Variants in GALNT18 observed in about 807,000 individuals in gnomAD.
GALNT18 encodes the protein GalNAc-transferase 18.
In GALNT18, 44 loss-of-function variants were observed where a neutral mutation model predicts 69.5. The ratio of observed to expected loss-of-function variants is 0.63; its 90% CI spans 0.50 to 0.81. The LOEUF (loss-of-function observed/expected upper bound fraction) is 0.81, where lower values mean the gene tolerates loss of function less well. GALNT18 is among the 40% of genes least tolerant of loss of function. The probability of loss-of-function intolerance (pLI) is 0.00; values close to 1 mark genes in which losing one functional copy is unlikely to be tolerated. For missense variants in GALNT18, 715 were observed against 810.0 expected (o/e 0.88, Z 1.42); for synonymous variants, 364 against 318.2 (o/e 1.14, Z -1.53).
chr11:11,304,508 A>G (rs1849546394), intron 9 of GALNT18, among the ~76,000 whole-genome samples: 1 of 152,214 alleles, frequency 6.6e-6, no homozygotes, highest in African/African-American at 2.4e-5. Flanking sequence ...CTCAATCACA[A>G]ACAGCAAAGA....
At chr11:11,491,222 G>A (rs1856764826) in intron 1 of GALNT18, among the ~76,000 whole-genome samples, 1 of 152,194 alleles carries the variant, frequency 6.6e-6, no homozygotes, top group Admixed American at 6.5e-5. Context: ...GCCATTCCAG[G>A]AGCTCTGTGG....
chr11:11,586,839 A>C lies in GALNT18; in HGVS notation c.235+34520T>G, dbSNP rs1035588128. ...AAACACACACACACACACACAAAAA[A>C]AAGCCAGGTGTGGTGGCGGGCGTCT... On this transcript the variant is annotated intron_variant, in intron 1 of 10. Coordinates refer to ENST00000227756, the MANE Select transcript of GALNT18 (RefSeq NM_198516.3). This position sits in a 1 kb window ranked among gnomAD's most constrained non-coding sequence, Gnocchi z 4.1. Among the ~76,000 whole-genome samples the C allele has an allele frequency of 1.3e-5, 2 of 151,378 alleles. No homozygotes were observed. The highest frequency in any genetic ancestry group is 3.0e-5 in the Non-Finnish European group (2 of 67,796).
chr11:11,483,225 C>A (rs1320568889), intron 1 of GALNT18, among the ~76,000 whole-genome samples: 1 of 152,188 alleles, frequency 6.6e-6, no homozygotes. Flanking sequence ...CCTTTGCCAG[C>A]TCTACTCTTA....
chr11:11,571,862 C>G (rs897013829), intron 1 of GALNT18, among the ~76,000 whole-genome samples: 2 of 152,234 alleles, frequency 1.3e-5, no homozygotes, highest in Non-Finnish European at 2.9e-5. Flanking sequence ...ATCTGCCTGG[C>G]TACAGACTGT....
rs1449970701 is a variant in GALNT18, at chr11:11,320,929, C to A, written c.1512+6157G>T. On this transcript the variant is annotated intron_variant, in intron 9 of 10. Transcript: ENST00000227756. The surrounding 1 kb of genome is among the most constrained non-coding windows in gnomAD (Gnocchi z 4.9). ...CAGCACTGCTAGTTGTGCATCTGAGCATGGCCTGGCGTGAAAGGTCACCAG... is the reference window on the plus strand; with the variant it reads ...CAGCACTGCTAGTTGTGCATCTGAGAATGGCCTGGCGTGAAAGGTCACCAG... Among the ~76,000 whole-genome samples the A allele has an allele frequency of 2.0e-5, 3 of 152,186 alleles. No individual in the cohort carries two copies. Among genetic ancestry groups the A allele is most frequent in the Non-Finnish European group, 4.4e-5 (3 of 68,036 alleles).
At position 11,604,468 on chromosome 11, in the gene GALNT18, C is replaced by A. The variant is rs898545026; in HGVS notation, c.235+16891G>T. ...GGGTGGACAAGCGATCTACATCCAG[C>A]CCTAGACACCCAGGCAGCTTCTGGC... On this transcript the variant is annotated intron_variant, in intron 1 of 10. Transcript: ENST00000227756. The surrounding 1 kb of genome is among the most constrained non-coding windows in gnomAD (Gnocchi z 5.6). 6.6e-6 allele frequency among the ~76,000 whole-genome samples: 1 copy of A among 152,112 alleles called. No individual in the cohort carries two copies. Among genetic ancestry groups the A allele is most frequent in the Non-Finnish European group, 1.5e-5 (1 of 68,032 alleles).
At chr11:11,467,840 T>C (rs1001365751) in intron 1 of GALNT18, among the ~76,000 whole-genome samples, 2 of 152,216 alleles carry the variant, frequency 1.3e-5, no homozygotes. Flanking sequence ...AGCCAAGATT[T>C]AGAACCACTG....
chr11:11,377,454 G>C lies in GALNT18; in HGVS notation c.780-75C>G. 1 of 1,339,214 alleles carries C rather than the reference G, an allele frequency of 7.5e-7. No homozygotes were observed. The highest frequency in any genetic ancestry group is 2.3e-5 in the East Asian group (1 of 43,004). The allele number at this position is 1,339,214 out of a possible 1,614,324, so 83.0% of individuals were successfully genotyped here. A position where few individuals can be genotyped will look rare whatever the true frequency, so the allele number is the denominator to read the frequency against. On this transcript the variant is annotated intron_variant, in intron 4 of 10. Coordinates refer to ENST00000227756, the MANE Select transcript of GALNT18 (RefSeq NM_198516.3). This position sits in a 1 kb window ranked among gnomAD's most constrained non-coding sequence, Gnocchi z 4.6. ...AAATCCAGAGTAGCATCTCCTGAAG[G>C]TCCTTCCCCAGCAGAAAGAGGAAGG...
chr11:11,309,328 G>T lies in GALNT18; in HGVS notation c.1513-16135C>A, dbSNP rs1424311667. ...GCCTCAGGTTATAGCAACACAAAAT[G>T]ACACACCTATTAATCTTGATTACCC... On this transcript the variant is annotated intron_variant, in intron 9 of 10. Transcript: ENST00000227756. The surrounding 1 kb of genome is among the most constrained non-coding windows in gnomAD (Gnocchi z 4.6). Among the ~76,000 whole-genome samples the T allele has an allele frequency of 1.3e-5, 2 of 152,070 alleles. No homozygotes were observed. Among genetic ancestry groups the T allele is most frequent in the Admixed American group, 6.6e-5 (1 of 15,264 alleles).
rs575308759 is a variant in GALNT18 at position 11,361,572 on chromosome 11, C to T, written c.1092+10943G>A. Among the ~76,000 whole-genome samples the T allele has an allele frequency of 7.2e-5, 11 of 152,290 alleles. No homozygotes were observed. The South Asian group carries it at 2.3e-3, about 32-fold the overall frequency. On this transcript the variant is annotated intron_variant, in intron 6 of 10. Coordinates refer to ENST00000227756, the MANE Select transcript of GALNT18 (RefSeq NM_198516.3). ...TTTGAAGATGTCCTAACACAGGGAG[C>T]TCACTGTATCATTAGCATCTTTTTT... is the stretch of plus-strand genomic sequence containing the variant.
chr11:11,383,383 G>A lies in GALNT18; in HGVS notation c.596-4119C>T, dbSNP rs565379306. ...CATGGAGGCTGTTAATCTGATTTAA[G>A]TACTTAATGGGACACTCCAATCTCA... On this transcript the variant is annotated intron_variant, in intron 3 of 10. Coordinates refer to ENST00000227756, the MANE Select transcript of GALNT18 (RefSeq NM_198516.3). The surrounding 1 kb of genome is among the most constrained non-coding windows in gnomAD (Gnocchi z 5.2). Among the ~76,000 whole-genome samples the A allele has an allele frequency of 6.6e-6, 1 of 152,342 alleles. No homozygotes were observed. The highest frequency in any genetic ancestry group is 6.5e-5 in the Admixed American group (1 of 15,308).
At chr11:11,588,601 A>G (rs1859280070) in intron 1 of GALNT18, among the ~76,000 whole-genome samples, 1 of 152,152 alleles carries the variant, frequency 6.6e-6, no homozygotes, top group South Asian at 2.1e-4. Flanking sequence ...ATCTGGATGA[A>G]GACTCAGGGG....
At chr11:11,281,002 C>T (rs1324649047) in intron 10 of GALNT18, among the ~76,000 whole-genome samples, 1 of 152,086 alleles carries the variant, frequency 6.6e-6, no homozygotes. Flanking sequence ...GGCATATCTG[C>T]TGCCCACACC....
rs144091507 is a variant in GALNT18 at position 11,471,894 on chromosome 11, T to G, written c.236-22958A>C. Reference sequence around the variant, plus strand: ...ATCAAACAGCTTTGCAGCCTGGCCCTCCCCATCAGCAGCACAGTTGTCTGG... The same window carrying G: ...ATCAAACAGCTTTGCAGCCTGGCCCGCCCCATCAGCAGCACAGTTGTCTGG... On this transcript the variant is annotated intron_variant, in intron 1 of 10. Coordinates refer to ENST00000227756, the MANE Select transcript of GALNT18 (RefSeq NM_198516.3). Among the ~76,000 whole-genome samples, 194 of 152,314 alleles carry G rather than the reference T, an allele frequency of 1.3e-3. 1 individual carries two copies. Among genetic ancestry groups the G allele is most frequent in the African/African-American group, 4.5e-3 (188 of 41,574 alleles).
At chr11:11,358,232 TTCTCTC>T (rs1254582006) in intron 6 of GALNT18, among the ~76,000 whole-genome samples, 1 of 140,926 alleles carries the variant, frequency 7.1e-6, no homozygotes, top group African/African-American at 2.6e-5. Context: ...GGTATTATAT[TTCTCTC>T]TATCTTAACA....
rs958103178 is a variant in GALNT18, at chr11:11,540,764, C to T, written c.235+80595G>A. On this transcript the variant is annotated intron_variant, in intron 1 of 10. Transcript: ENST00000227756. This position sits in a 1 kb window ranked among gnomAD's most constrained non-coding sequence, Gnocchi z 4.6. Reference sequence around the variant, plus strand: ...GTATGACTCTCTGATCACAGCAATACGTTAGACTCAGTGGAAATGTGTGTC... The same window carrying T: ...GTATGACTCTCTGATCACAGCAATATGTTAGACTCAGTGGAAATGTGTGTC... Among the ~76,000 whole-genome samples the T allele has an allele frequency of 1.3e-5, 2 of 152,114 alleles. No individual in the cohort carries two copies. Among genetic ancestry groups the T allele is most frequent in the East Asian group, 1.9e-4 (1 of 5,196 alleles).
At chr11:11,609,345 C>T (rs2133959634) in intron 1 of GALNT18, among the ~76,000 whole-genome samples, 1 of 152,348 alleles carries the variant, frequency 6.6e-6, no homozygotes. Flanking sequence ...ACACTTCAGG[C>T]ACACTCCTGC....
rs1047472670 is a variant in GALNT18 at position 11,382,409 on chromosome 11, C to T, written c.596-3145G>A. Reference sequence around the variant, plus strand: ...TCTGCGTTGGCTGGAAAATTGCTTTCCAAAACACTGTCCATTGTATATTAT... The same window carrying T: ...TCTGCGTTGGCTGGAAAATTGCTTTTCAAAACACTGTCCATTGTATATTAT... On this transcript the variant is annotated intron_variant, in intron 3 of 10. Transcript: ENST00000227756. The surrounding 1 kb of genome is among the most constrained non-coding windows in gnomAD (Gnocchi z 4.3). Among the ~76,000 whole-genome samples the T allele has an allele frequency of 1.3e-5, 2 of 152,192 alleles. No individual in the cohort carries two copies. The highest frequency in any genetic ancestry group is 4.8e-5 in the African/African-American group (2 of 41,440).
rs1853812727 is a variant in GALNT18, at chr11:11,377,899, G to A, written c.780-520C>T. ...AGCTGTGCCACATCCACCCCCCAAA[G>A]CGTTTCCCAACCACCCAAGGAGGGG... On this transcript the variant is annotated intron_variant, in intron 4 of 10. Transcript: ENST00000227756. The surrounding 1 kb of genome is among the most constrained non-coding windows in gnomAD (Gnocchi z 4.6). Among the ~76,000 whole-genome samples the A allele has an allele frequency of 1.3e-5, 2 of 152,112 alleles. No individual in the cohort carries two copies. Among genetic ancestry groups the A allele is most frequent in the African/African-American group, 2.4e-5 (1 of 41,426 alleles).
Sources: gnomAD v4.1 joint callset for allele counts (sites outside exome capture counted in the v4.1 genomes callset) on GRCh38, gnomAD v4.1.1 for gene constraint, Gnocchi (gnomAD v3.1) non-coding constraint, MANE v1.5 for transcripts, NCBI Gene and HGNC (gene_info 2026-07-23, HGNC 2026-07-21) for gene names.